Variants in CDC40 observed in about 807,000 individuals in gnomAD.
CDC40 encodes cell division cycle 40.
In CDC40, 27 loss-of-function variants were observed where a neutral mutation model predicts 80.6. The ratio of observed to expected loss-of-function variants is 0.33; its 90% CI spans 0.25 to 0.46. The LOEUF is 0.46. CDC40 is among the 20% of genes least tolerant of loss of function. The probability of loss-of-function intolerance (pLI) is 1.00; values close to 1 mark genes in which losing one functional copy is unlikely to be tolerated. For missense variants in CDC40, 486 were observed against 694.1 expected (o/e 0.70, Z 3.37); for synonymous variants, 221 against 232.6 (o/e 0.95, Z 0.45).
rs140718918 is a variant in CDC40 at position 110,228,938 on chromosome 6, A to G, written c.1524A>G (p.Ala508=). 1.7e-4 allele frequency: 271 copies of G among 1,607,564 alleles called. No homozygotes were observed. The highest frequency in any genetic ancestry group is 2.1e-4 in the Non-Finnish European group (250 of 1,177,966). Residue 508 remains alanine, a synonymous_variant, in exon 14 of 15, where the codon GCA becomes GCG. Transcript: ENST00000307731. ...KKKIFKGHMV[A]GYACQVDFSP... is the part of the protein sequence containing the mutation. ...AAATTTTTAAGGGCCATATGGTAGC[A>G]GGCTATGCTTGTCAGGTGGACTTTT... is the stretch of plus-strand genomic sequence containing the variant.
At chr6:110,196,446 CT>C (rs1308125832) in intron 2 of CDC40, among the ~76,000 whole-genome samples, 2 of 152,076 alleles carry the variant, frequency 1.3e-5, no homozygotes, top group Non-Finnish European at 2.9e-5. Flanking sequence ...CTAGTAATTT[CT>C]TCATTTCACT....
Position 110,215,169 on chromosome 6 carries a change from G to C in CDC40, c.943-117G>C. On this transcript the variant is annotated intron_variant, in intron 8 of 14. Coordinates refer to ENST00000307731, the MANE Select transcript of CDC40 (RefSeq NM_015891.3). ...CAGTGTTTAATATTTAATGATTGAA[G>C]CTGTGCGTTTACACACACAGATGTG... 4.1e-6 allele frequency: 3 copies of C among 731,900 alleles called. No individual in the cohort carries two copies. In the Admixed American group the frequency reaches 7.0e-5, roughly 17 times the overall value. 45.3% of individuals were successfully genotyped at this position (731,900 alleles called of 1,614,324 possible).
At chr6:110,212,484 GCATT>G (rs1001497427) in intron 7 of CDC40, among the ~76,000 whole-genome samples, 3 of 152,172 alleles carry the variant, frequency 2.0e-5, no homozygotes, top group Non-Finnish European at 4.4e-5. Flanking sequence ...CCATGACATA[GCATT>G]CATGATTTAG....
chr6:110,212,091 G>T, intron 6 of CDC40, 42 bp from the exon 7 acceptor site: 1 of 1,539,044 alleles, frequency 6.5e-7, no homozygotes, highest in Non-Finnish European at 9.0e-7. Context: ...CATGACTATG[G>T]GTTGTATTTG....
intron 2 of CDC40, among the ~76,000 whole-genome samples, chr6:110,200,850 GTAT>G (rs1777485242): frequency 6.6e-6 from 1 of 152,146 alleles, no homozygotes; most frequent in African/African-American, 2.4e-5. Flanking sequence ...AAACTCAAAA[GTAT>G]TATAAGCAAA....
rs1008983177 is a variant in CDC40, at chr6:110,180,603, A to G, written c.159A>G (p.Ala53=). The change falls in exon 1 of 15, where the codon GCA becomes GCG. Residue 53 remains alanine (A), a synonymous_variant. Transcript: ENST00000307731. ...CATCAAAGCCGTCTCTAGCAGTGGCAGTGGACTCGGCTCCGGAGGTGGCAG... is the reference window on the plus strand; with the variant it reads ...CATCAAAGCCGTCTCTAGCAGTGGCGGTGGACTCGGCTCCGGAGGTGGCAG... ...SPSSKPSLAV[A]VDSAPEVAVK... is the part of the protein sequence containing the mutation. 2.5e-6 allele frequency: 4 copies of G among 1,613,824 alleles called. No homozygotes were observed. The highest frequency in any genetic ancestry group is 3.4e-6 in the Non-Finnish European group (4 of 1,179,786).
chr6:110,224,615 C>G (rs1220578921), intron 12 of CDC40, among the ~76,000 whole-genome samples: 2 of 152,128 alleles, frequency 1.3e-5, no homozygotes, highest in Non-Finnish European at 2.9e-5. Context: ...TCTCAAACTC[C>G]TGACCTCAGG....
At chr6:110,181,862 C>T (rs745873095) in intron 1 of CDC40, among the ~76,000 whole-genome samples, 2 of 152,206 alleles carry the variant, frequency 1.3e-5, no homozygotes, top group Non-Finnish European at 2.9e-5. Flanking sequence ...TTCATTAGTT[C>T]CTCTTTCTTG....
intron 3 of CDC40, among the ~76,000 whole-genome samples, chr6:110,203,122 G>A (rs922479664): frequency 2.0e-5 from 3 of 152,070 alleles, no homozygotes; most frequent in African/African-American, 7.2e-5. Flanking sequence ...TAAAGAGACA[G>A]TTTATTAAGT....
intron 8 of CDC40, 40 bp downstream of exon 8, chr6:110,213,200 G>T: frequency 4.0e-6 from 5 of 1,241,184 alleles, no homozygotes; most frequent in Non-Finnish European, 4.8e-6. Context: ...TGCAAAGCTA[G>T]TTCTTTGTTT....
chr6:110,208,075 A>G (rs1407727966), intron 4 of CDC40, among the ~76,000 whole-genome samples: 1 of 152,206 alleles, frequency 6.6e-6, no homozygotes, highest in Non-Finnish European at 1.5e-5. Flanking sequence ...CAATAAGACA[A>G]AACATCATAC....
At chr6:110,215,463 G>A in intron 9 of CDC40, 132 bp downstream of exon 9, 1 of 743,004 alleles carries the variant, frequency 1.3e-6, no homozygotes, top group Non-Finnish European at 2.3e-6. Flanking sequence ...GGAAGGAGGA[G>A]TCAGTGTCCC....
At chr6:110,208,984 C>A in intron 4 of CDC40, 100 bp from the exon 5 acceptor site, 2 of 768,064 alleles carry the variant, frequency 2.6e-6, no homozygotes, top group Non-Finnish European at 4.1e-6. Context: ...CTTTCTTTAA[C>A]CATATAAAAT....
At position 110,230,058 on chromosome 6, in the gene CDC40, C is replaced by G; in HGVS notation, c.1667C>G (p.Ala556Gly). 1 of 1,611,274 alleles carries G rather than the reference C, an allele frequency of 6.2e-7. No homozygotes were observed. The highest frequency in any genetic ancestry group is 8.5e-7 in the Non-Finnish European group (1 of 1,177,550). ...FKAHDKVCIG[A>G]VWHPHETSKV... ...GCTCATGATAAAGTGTGTATAGGTG[C>G]AGTGTGGCATCCTCATGAAACTTCT... is the stretch of plus-strand genomic sequence containing the variant. The change falls in exon 15 of 15, where the codon GCA (alanine) becomes GGA (glycine). Residue 556 changes from alanine to glycine, a missense_variant. This residue lies in a region of CDC40 where 88 missense variants were observed against 138.7 expected (regional missense o/e 0.63). Transcript: ENST00000307731.
Position 110,217,717 on chromosome 6 carries a change from T to C in CDC40, c.1004T>C (p.Val335Ala). 6.3e-7 allele frequency: 1 copy of C among 1,581,972 alleles called. No individual in the cohort carries two copies. The highest frequency in any genetic ancestry group is 8.7e-7 in the Non-Finnish European group (1 of 1,150,918). The change falls in exon 10 of 15, where the codon GTT becomes GCT. Residue 335 changes from valine (V) to alanine (A), a missense_variant. Physicochemically the swap from Val to Ala is moderately conservative, Grantham distance 64. Around this residue, in one of 3 missense-constraint regions of CDC40, gnomAD observed 381 missense variants for 492.1 expected, o/e 0.77. Transcript: ENST00000307731. Reference protein sequence around the residue: ...LRTFIGHSKAVRDICFNTAGT... With the variant: ...LRTFIGHSKAARDICFNTAGT... ...CCACCTTTAGGTCACAGTAAGGCTG[T>C]TAGGGATATCTGCTTCAATACTGCA... is the stretch of plus-strand genomic sequence containing the variant.
intron 2 of CDC40, among the ~76,000 whole-genome samples, chr6:110,197,096 A>AT (rs1216274726): frequency 2.0e-5 from 3 of 152,132 alleles, no homozygotes; most frequent in Non-Finnish European, 4.4e-5. Flanking sequence ...CCGACTGAAG[A>AT]TTTTTGAGAT....
chr6:110,215,866 CAG>C (rs1777693756), intron 9 of CDC40, among the ~76,000 whole-genome samples: 1 of 151,970 alleles, frequency 6.6e-6, no homozygotes, highest in Non-Finnish European at 1.5e-5. Flanking sequence ...ACCAAAGCAG[CAG>C]AGAGAGAAAA....
chr6:110,210,253 C>T (rs1022581642), intron 5 of CDC40, among the ~76,000 whole-genome samples: 1 of 151,596 alleles, frequency 6.6e-6, no homozygotes, highest in Non-Finnish European at 1.5e-5. Flanking sequence ...AAGAGGTAAT[C>T]AGTCTCTGCT....
chr6:110,208,451 A>G (rs1014531060), intron 4 of CDC40, among the ~76,000 whole-genome samples: 3 of 152,146 alleles, frequency 2.0e-5, no homozygotes, highest in African/African-American at 7.2e-5. Context: ...AATCAAATCA[A>G]AATCTCAACC....
Sources: gnomAD v4.1 joint callset for allele counts (sites outside exome capture counted in the v4.1 genomes callset) on GRCh38, gnomAD v4.1.1 for gene constraint, gnomAD v4.1.1 regional missense constraint, MANE v1.5 for transcripts, NCBI Gene and HGNC (gene_info 2026-07-23, HGNC 2026-07-21) for gene names.